The following ABCG2 variants were observed in gnomAD, a reference collection of about 807,000 sequenced individuals.
ABCG2 encodes broad substrate specificity ATP-binding cassette transporter ABCG2.
Under a neutral mutation model 73.5 loss-of-function variants are expected in ABCG2, and 80 were observed. The ratio of observed to expected loss-of-function variants is 1.09; its 90% CI spans 0.91 to 1.31. The LOEUF (loss-of-function observed/expected upper bound fraction) is 1.31, where lower values mean the gene tolerates loss of function less well. Among genes scored for constraint, ABCG2 ranks in the 50% most tolerant of loss-of-function variants. The pLI is 0.00. For synonymous variants in ABCG2, 269 were observed against 282.4 expected (o/e 0.95, Z 0.48); for missense variants, 796 against 786.2 (o/e 1.01, Z -0.15).
intron 13 of ABCG2, among the ~76,000 whole-genome samples, chr4:88,096,380 G>A (rs191985119): frequency 1.5e-4 from 23 of 152,276 alleles, no homozygotes; most frequent in Middle Eastern, 6.8e-3. Context: ...ATATAACACA[G>A]CATCTCTGAG....
chr4:88,189,073 A>C (rs1728580623), intron 1 of ABCG2, among the ~76,000 whole-genome samples: 2 of 152,118 alleles, frequency 1.3e-5, no homozygotes. Context: ...GGATGTCTGC[A>C]TATTCGTTTA....
At chr4:88,146,737 T>C (rs1726031628) in intron 1 of ABCG2, among the ~76,000 whole-genome samples, 1 of 151,920 alleles carries the variant, frequency 6.6e-6, no homozygotes, top group Admixed American at 6.6e-5. Flanking sequence ...GGCGTGGTGG[T>C]CCACACCTGT....
At chr4:88,228,578 A>T (rs1730320006) in intron 1 of ABCG2, among the ~76,000 whole-genome samples, 1 of 152,202 alleles carries the variant, frequency 6.6e-6, no homozygotes, top group African/African-American at 2.4e-5. Flanking sequence ...ACCATAGTAG[A>T]AGGGAATGTT....
chr4:88,115,232 G>GTCTCTCTCTCTCTCTCTGTCTCTC (rs1553933354), intron 7 of ABCG2, among the ~76,000 whole-genome samples, 174 bp from the exon 8 acceptor site: 4 of 28,970 alleles, frequency 1.4e-4, no homozygotes, highest in African/African-American at 5.6e-4. Flanking sequence ...TATATATTCA[G>GTCTCTCTCTCTCTCTCTGTCTCTC]TCTCTCTCTC....
chr4:88,097,676 G>A (rs965517451), intron 12 of ABCG2, 69 bp from the exon 13 acceptor site: 26 of 1,506,360 alleles, frequency 1.7e-5, no homozygotes, highest in South Asian at 2.5e-5. Flanking sequence ...ATTGCTTATT[G>A]TGCAAATTTA....
At chr4:88,144,495 G>A (rs551345030) in intron 1 of ABCG2, among the ~76,000 whole-genome samples, 1 of 93,194 alleles carries the variant, frequency 1.1e-5, no homozygotes, top group South Asian at 3.6e-4. Context: ...CACTCTTGTT[G>A]CCCAGGCTGG....
Position 88,134,951 on chromosome 4 carries a change from C to T in ABCG2, c.204-2316G>A, listed in dbSNP as rs78908490. Among the ~76,000 whole-genome samples, 675 of 152,278 alleles carry T rather than the reference C, an allele frequency of 4.4e-3. 5 individuals carry two copies. The highest frequency in any genetic ancestry group is 0.016 in the African/African-American group (647 of 41,542). ...AAAGTCTGAGCCCTTGTGGAGTTTACATTCTAGTCCAGGGATCAGCAGTTT... is the reference window on the plus strand; with the variant it reads ...AAAGTCTGAGCCCTTGTGGAGTTTATATTCTAGTCCAGGGATCAGCAGTTT... On this transcript the variant is annotated intron_variant, in intron 2 of 15. Transcript: ENST00000237612.
chr4:88,095,602 G>T lies in ABCG2; in HGVS notation c.1655C>A (p.Ser552Ter), dbSNP rs1721931662. The change falls in exon 14 of 16, where the codon TCA (serine) becomes TAA (stop). Residue 552 changes from serine (S) to a stop codon, truncating the protein, a stop_gained. Coordinates refer to ENST00000237612, the MANE Select transcript of ABCG2 (RefSeq NM_004827.3). LOFTEE classifies it high-confidence loss of function. ...TICFVFMMIF[S>*]GLLVNLTTIA... ...GGTTGTGAGATTGACCAACAGACCT[G>T]AAAAAATCTACAAAAAGCAAATACT... 2 of 1,613,276 alleles carry T rather than the reference G, an allele frequency of 1.2e-6. No individual in the cohort carries two copies. The highest frequency in any genetic ancestry group is 1.7e-5 in the Admixed American group (1 of 60,004).
chr4:88,117,565 A>C (rs1036557538), intron 7 of ABCG2, among the ~76,000 whole-genome samples: 6 of 151,818 alleles, frequency 4.0e-5, no homozygotes, highest in Non-Finnish European at 8.8e-5. Context: ...TGAACCCGAG[A>C]GGCAGAGCTT....
At chr4:88,179,722 A>C (rs1044345366) in intron 1 of ABCG2, among the ~76,000 whole-genome samples, 3 of 152,246 alleles carry the variant, frequency 2.0e-5, no homozygotes, top group Admixed American at 1.3e-4. Context: ...AAAATGTAAC[A>C]AAACAATTGA....
chr4:88,123,382 T>G (rs1251840961), intron 5 of ABCG2, among the ~76,000 whole-genome samples: 4 of 152,014 alleles, frequency 2.6e-5, no homozygotes, highest in Non-Finnish European at 4.4e-5. Flanking sequence ...AAGGTGCATA[T>G]TCTAACCCAA....
At chr4:88,177,058 T>A (rs1443282801) in intron 1 of ABCG2, among the ~76,000 whole-genome samples, 1 of 152,026 alleles carries the variant, frequency 6.6e-6, no homozygotes, top group Non-Finnish European at 1.5e-5. Context: ...AAAAGACTGG[T>A]AACACATTAA....
intron 1 of ABCG2, among the ~76,000 whole-genome samples, chr4:88,185,529 G>C (rs1728418255): frequency 6.6e-6 from 1 of 152,076 alleles, no homozygotes; most frequent in Non-Finnish European, 1.5e-5. Context: ...CTTCTGCACA[G>C]CTAAGAAAAT....
At chr4:88,160,559 A>G (rs746199919), upstream of ABCG2, among the ~76,000 whole-genome samples, 67 of 152,158 alleles carry the variant, frequency 4.4e-4, no homozygotes, top group Admixed American at 1.0e-3. Context: ...TCAAAACCCT[A>G]TACATAGAGG....
chr4:88,214,214 G>A (rs1478300652), intron 1 of ABCG2, among the ~76,000 whole-genome samples: 6 of 151,298 alleles, frequency 4.0e-5, no homozygotes, highest in African/African-American at 1.5e-4. Context: ...TCTCAAACTC[G>A]GGCTCCAGCA....
chr4:88,190,590 TG>T (rs532006782), intron 1 of ABCG2, among the ~76,000 whole-genome samples: 100 of 152,338 alleles, frequency 6.6e-4, no homozygotes, highest in African/African-American at 2.3e-3. Context: ...AACTGTGTTC[TG>T]ATAAGCCAAG....
intron 9 of ABCG2, among the ~76,000 whole-genome samples, chr4:88,109,188 C>T (rs1171584519): frequency 6.6e-6 from 1 of 151,818 alleles, no homozygotes; most frequent in Admixed American, 6.6e-5. Flanking sequence ...TTAGTAGACA[C>T]AGGGTTTCAC....
chr4:88,217,449 T>A (rs1353585820), intron 1 of ABCG2, among the ~76,000 whole-genome samples: 2 of 152,078 alleles, frequency 1.3e-5, no homozygotes, highest in Non-Finnish European at 2.9e-5. Flanking sequence ...TCACTTGAGG[T>A]CAGGTGTTCA....
intron 5 of ABCG2, 35 bp downstream of exon 5, chr4:88,131,026 T>G (rs375678244): frequency 1.9e-6 from 3 of 1,611,508 alleles, no homozygotes; most frequent in African/African-American, 1.3e-5. Context: ...GTCCTACTTA[T>G]GCTGATCATG....
Sources: gnomAD v4.1 joint callset for allele counts (sites outside exome capture counted in the v4.1 genomes callset) on GRCh38, gnomAD v4.1.1 for gene constraint, MANE v1.5 for transcripts, NCBI Gene and HGNC (gene_info 2026-07-23, HGNC 2026-07-21) for gene names.